Variants in FRMD6 observed in about 807,000 individuals in gnomAD.
The protein encoded by FRMD6 is FERM domain-containing protein 6.
A neutral mutation model predicts 73.2 loss-of-function variants in FRMD6; 37 were observed. The ratio of observed to expected loss-of-function variants is 0.51; its 90% CI spans 0.39 to 0.66. The LOEUF (loss-of-function observed/expected upper bound fraction) is 0.66, where lower values mean the gene tolerates loss of function less well. Ranked by LOEUF, FRMD6 falls within the 30% of genes least tolerant of loss-of-function variation. FRMD6 has a pLI of 0.00. For synonymous variants in FRMD6, 273 were observed against 282.2 expected (o/e 0.97, Z 0.33); for missense variants, 714 against 780.5 (o/e 0.91, Z 1.02).
At chr14:51,664,891 C>T (rs565564924) in intron 1 of FRMD6, among the ~76,000 whole-genome samples, 2 of 152,202 alleles carry the variant, frequency 1.3e-5, no homozygotes, top group East Asian at 1.9e-4. Flanking sequence ...AACAAATACA[C>T]GAGGCCAATG....
intron 1 of FRMD6, among the ~76,000 whole-genome samples, chr14:51,536,078 T>TTA (rs202244593): frequency 1.3e-4 from 18 of 139,676 alleles, no homozygotes; most frequent in South Asian, 4.5e-4. Flanking sequence ...TATATATATT[T>TTA]TATATATATA....
At chr14:51,524,543 G>GT (rs996687747) in intron 1 of FRMD6, among the ~76,000 whole-genome samples, 1 of 150,680 alleles carries the variant, frequency 6.6e-6, no homozygotes, top group African/African-American at 2.5e-5. Context: ...TGACGGGGGG[G>GT]GTCTCTTTGT....
chr14:51,450,986 A>T, the FRMD6 span, among the ~76,000 whole-genome samples: 1 of 152,210 alleles, frequency 6.6e-6, no homozygotes, highest in Non-Finnish European at 1.5e-5. Flanking sequence ...ACCCACCTGC[A>T]GAGTGGGCAT....
At chr14:51,560,749 G>A (rs1887437625) in intron 1 of FRMD6, among the ~76,000 whole-genome samples, 2 of 152,150 alleles carry the variant, frequency 1.3e-5, no homozygotes, top group African/African-American at 4.8e-5. Flanking sequence ...CTCCCAAAGT[G>A]CTGGGATTAC....
intron 1 of FRMD6, among the ~76,000 whole-genome samples, chr14:51,671,449 A>G (rs903455826): frequency 6.6e-6 from 1 of 152,208 alleles, no homozygotes; most frequent in Admixed American, 6.5e-5. Flanking sequence ...TTCACAGAAA[A>G]TGCATATTAT....
chr14:51,516,258 A>G (rs1884633564), intron 1 of FRMD6, among the ~76,000 whole-genome samples: 1 of 152,206 alleles, frequency 6.6e-6, no homozygotes, highest in Non-Finnish European at 1.5e-5. Context: ...GAGTTGATAA[A>G]TTCTCCATTT....
chr14:51,600,322 A>G (rs1889969343), intron 2 of FRMD6, among the ~76,000 whole-genome samples: 2 of 152,158 alleles, frequency 1.3e-5, no homozygotes, highest in Non-Finnish European at 2.9e-5. Flanking sequence ...CAGTAATTGG[A>G]ACATAATTTA....
chr14:51,458,273 C>A, the FRMD6 span, among the ~76,000 whole-genome samples: 4 of 152,142 alleles, frequency 2.6e-5, no homozygotes, highest in African/African-American at 9.7e-5. Flanking sequence ...TCCTCTCACC[C>A]CTACCCCAAT....
chr14:51,662,835 G>T (rs1893315639), intron 1 of FRMD6, among the ~76,000 whole-genome samples: 1 of 152,172 alleles, frequency 6.6e-6, no homozygotes, highest in Non-Finnish European at 1.5e-5. Flanking sequence ...ACTGTCAACA[G>T]AGTGAACAGA....
chr14:51,602,781 T>C (rs1890090328), intron 2 of FRMD6, among the ~76,000 whole-genome samples: 1 of 152,256 alleles, frequency 6.6e-6, no homozygotes, highest in African/African-American at 2.4e-5. Context: ...TTATAAAATA[T>C]TTCTTCCCTT....
At chr14:51,402,427 AGTGAGTGGG>A in the FRMD6 span, among the ~76,000 whole-genome samples, 1 of 152,114 alleles carries the variant, frequency 6.6e-6, no homozygotes, top group East Asian at 1.9e-4. Context: ...TTCTCATGAT[AGTGAGTGGG>A]CCTCACAAGA....
the FRMD6 span, among the ~76,000 whole-genome samples, chr14:51,473,975 A>G: frequency 1.3e-5 from 2 of 152,326 alleles, no homozygotes; most frequent in African/African-American, 4.8e-5. Flanking sequence ...TTTATTGAGC[A>G]CGTATCACAT....
chr14:51,506,650 T>A (rs1164093292), intron 1 of FRMD6, among the ~76,000 whole-genome samples: 1 of 151,902 alleles, frequency 6.6e-6, no homozygotes. Context: ...TTAAAGAAGA[T>A]GACAGGATTT....
intron 1 of FRMD6, among the ~76,000 whole-genome samples, chr14:51,517,061 G>C (rs573628006): frequency 1.3e-5 from 2 of 152,152 alleles, no homozygotes; most frequent in East Asian, 1.9e-4. Flanking sequence ...TAGATGTTCT[G>C]TTATAAAAAA....
intron 2 of FRMD6, among the ~76,000 whole-genome samples, chr14:51,607,327 A>G (rs564201746): frequency 6.6e-6 from 1 of 152,206 alleles, no homozygotes; most frequent in East Asian, 1.9e-4. Context: ...GAAACTATCA[A>G]TATTTGGTAC....
intron 1 of FRMD6, among the ~76,000 whole-genome samples, chr14:51,546,295 T>C (rs1730073535): frequency 6.6e-6 from 1 of 152,136 alleles, no homozygotes; most frequent in African/African-American, 2.4e-5. Flanking sequence ...TATTAGATTA[T>C]TGCTATTTCC....
In FRMD6 at chr14:51,729,221, G is replaced by A. The variant is rs1898138070; in HGVS notation, c.*1192G>A. ...ACCGATTACATCATTCTCTTGTGGC[G>A]GGACCCAAGTAGAATTGCCTTTTCT... On this transcript the variant is annotated 3_prime_UTR_variant, in exon 14 of 14. Coordinates refer to ENST00000344768, the MANE Select transcript of FRMD6 (RefSeq NM_001267046.2). 1.3e-5 allele frequency: 2 copies of A among 152,086 alleles called. No homozygotes were observed. Among genetic ancestry groups the A allele is most frequent in the African/African-American group, 2.4e-5 (1 of 41,404 alleles). 9.4% of individuals were successfully genotyped at this position (152,086 alleles called of 1,614,324 possible).
At chr14:51,453,394 T>C in the FRMD6 span, among the ~76,000 whole-genome samples, 2 of 152,026 alleles carry the variant, frequency 1.3e-5, no homozygotes, top group Admixed American at 6.5e-5. Flanking sequence ...CAAAGAGCTG[T>C]GGTTAATGTC....
intron 1 of FRMD6, among the ~76,000 whole-genome samples, chr14:51,689,261 T>G (rs1895382285): frequency 6.6e-6 from 1 of 152,206 alleles, no homozygotes; most frequent in Non-Finnish European, 1.5e-5. Flanking sequence ...GGTTGAAGAA[T>G]GAATGTAATG....
Sources: gnomAD v4.1 joint callset for allele counts (sites outside exome capture counted in the v4.1 genomes callset) on GRCh38, gnomAD v4.1.1 for gene constraint, MANE v1.5 for transcripts, NCBI Gene and HGNC (gene_info 2026-07-23, HGNC 2026-07-21) for gene names.